The following HDAC9 variants were observed in gnomAD, a reference collection of about 807,000 sequenced individuals.
The protein encoded by HDAC9 is histone deacetylase 9.
HDAC9 carries 41 observed loss-of-function variants against 139.4 expected under a neutral mutation model. That is an observed-to-expected ratio of 0.29 (90% CI 0.23 to 0.38). The LOEUF (loss-of-function observed/expected upper bound fraction) is 0.38. Among genes scored for constraint, HDAC9 ranks in the 10% least tolerant of loss-of-function variants. The pLI is 1.00. For missense variants in HDAC9, 1,147 were observed against 1,297.0 expected, an observed-to-expected ratio of 0.88 and a Z score of 1.78; for synonymous variants, 517 against 476.2, an observed-to-expected ratio of 1.09 and a Z score of -1.12.
intron 1 of HDAC9, among the ~76,000 whole-genome samples, chr7:18,392,800 C>T (rs1473277529): frequency 4.6e-5 from 7 of 151,552 alleles, no homozygotes; most frequent in African/African-American, 7.3e-5. Flanking sequence ...AAAGAACCAG[C>T]GAGGGCTAAG....
chr7:18,712,182 T>G (rs751207462), intron 12 of HDAC9, among the ~76,000 whole-genome samples: 4 of 152,166 alleles, frequency 2.6e-5, no homozygotes, highest in Non-Finnish European at 2.9e-5. Flanking sequence ...ATTTTTTCAT[T>G]CTTTAATATA....
intron 1 of HDAC9, among the ~76,000 whole-genome samples, chr7:18,373,479 T>C (rs1317976872): frequency 6.6e-6 from 1 of 152,146 alleles, no homozygotes; most frequent in African/African-American, 2.4e-5. Flanking sequence ...ATTTGGAGGG[T>C]CTTAGCAATG....
intron 12 of HDAC9, among the ~76,000 whole-genome samples, chr7:18,708,152 G>C (rs1167282513): frequency 2.0e-5 from 3 of 150,400 alleles, no homozygotes; most frequent in Non-Finnish European, 4.5e-5. Flanking sequence ...TAGAGGAGGG[G>C]GCAGGAAGTT....
At chr7:18,562,882 T>A (rs1030990010) in intron 2 of HDAC9, among the ~76,000 whole-genome samples, 3 of 152,156 alleles carry the variant, frequency 2.0e-5, no homozygotes, top group African/African-American at 7.2e-5. Context: ...CCTATGAAAA[T>A]GAAATGTTTT....
At chr7:18,295,279 A>G (rs1005220323) in intron 1 of HDAC9, among the ~76,000 whole-genome samples, 5 of 152,152 alleles carry the variant, frequency 3.3e-5, no homozygotes, top group Admixed American at 2.0e-4. Context: ...GTAGTTTTTA[A>G]GGAAAACAAA....
intron 12 of HDAC9, chr7:18,667,652 C>G (rs1462164206): frequency 1.0e-6 from 1 of 985,030 alleles, no homozygotes; most frequent in African/African-American, 1.7e-5. Context: ...CAGGAAATGC[C>G]TTGTGGAAAC....
chr7:18,259,585 A>G (rs1795510018), intron 2 of HDAC9, among the ~76,000 whole-genome samples: 2 of 152,010 alleles, frequency 1.3e-5, no homozygotes, highest in Non-Finnish European at 2.9e-5. Context: ...GACTGGTTTC[A>G]AATTGCTGGA....
chr7:18,788,950 A>C (rs77046821), intron 16 of HDAC9, among the ~76,000 whole-genome samples: 5 of 151,964 alleles, frequency 3.3e-5, no homozygotes, highest in African/African-American at 9.7e-5. Context: ...TTTTCCTTCC[A>C]CTCAATGTAT....
chr7:18,205,723 A>G (rs1255949970), intron 2 of HDAC9, among the ~76,000 whole-genome samples: 5 of 152,070 alleles, frequency 3.3e-5, no homozygotes, highest in Admixed American at 3.3e-4. Flanking sequence ...TTAATTTTCT[A>G]ATTAAATTCT....
intron 1 of HDAC9, among the ~76,000 whole-genome samples, chr7:18,346,049 T>C (rs1291031409): frequency 6.6e-6 from 1 of 152,126 alleles, no homozygotes; most frequent in Non-Finnish European, 1.5e-5. Flanking sequence ...AGACCAATGC[T>C]AATTTAGAAA....
intron 1 of HDAC9, among the ~76,000 whole-genome samples, chr7:18,117,676 G>T (rs944591792): frequency 2.6e-5 from 4 of 152,096 alleles, no homozygotes; most frequent in African/African-American, 9.7e-5. Flanking sequence ...CTAGGAAGAG[G>T]CAAGGAAGGA....
At chr7:18,492,697 CT>C (rs1220327089), upstream of HDAC9, among the ~76,000 whole-genome samples, 4 of 151,896 alleles carry the variant, frequency 2.6e-5, no homozygotes, top group African/African-American at 7.2e-5. Flanking sequence ...GAACATATAT[CT>C]TTTTCCCCCA....
chr7:18,586,159 T>G (rs1829410126), intron 3 of HDAC9, among the ~76,000 whole-genome samples: 2 of 151,936 alleles, frequency 1.3e-5, no homozygotes, highest in South Asian at 2.1e-4. Flanking sequence ...TAAAGTTGTT[T>G]AAATTATTTT....
intron 2 of HDAC9, among the ~76,000 whole-genome samples, chr7:18,261,467 G>A (rs1334197157): frequency 6.6e-6 from 1 of 152,116 alleles, no homozygotes; most frequent in Non-Finnish European, 1.5e-5. Context: ...ATATACCACA[G>A]TTCAGTCCAT....
chr7:18,160,303 A>G (rs1304430434), intron 1 of HDAC9, among the ~76,000 whole-genome samples: 1 of 152,256 alleles, frequency 6.6e-6, no homozygotes, highest in Non-Finnish European at 1.5e-5. Context: ...AGAATCAAGA[A>G]TGTATCAAGA....
chr7:18,458,694 A>G (rs1424705981), intron 1 of HDAC9: 3 of 525,202 alleles, frequency 5.7e-6, no homozygotes, highest in Non-Finnish European at 3.4e-6. Context: ...TGGCTTAACT[A>G]GGCAAAACTT....
intron 24 of HDAC9, among the ~76,000 whole-genome samples, chr7:18,966,430 C>A (rs950894777): frequency 6.6e-6 from 1 of 152,032 alleles, no homozygotes; most frequent in Non-Finnish European, 1.5e-5. Context: ...GGTCGGGAGC[C>A]GGTGGCTCAC....
At chr7:18,135,492 C>T (rs1174356377) in intron 1 of HDAC9, among the ~76,000 whole-genome samples, 1 of 109,344 alleles carries the variant, frequency 9.1e-6, no homozygotes, top group African/African-American at 3.6e-5. Flanking sequence ...GTGATATTCC[C>T]CTTCCTGTGT....
chr7:18,279,928 G>A (rs1306512929), intron 2 of HDAC9, among the ~76,000 whole-genome samples: 2 of 152,074 alleles, frequency 1.3e-5, no homozygotes, highest in East Asian at 3.9e-4. Context: ...GTGTCGAAAG[G>A]GGAATTCTGA....
Sources: allele counts gnomAD v4.1 joint callset (sites outside exome capture counted in the v4.1 genomes callset), GRCh38; gene constraint gnomAD v4.1.1; transcripts MANE v1.5; gene names NCBI Gene and HGNC (gene_info 2026-07-23, HGNC 2026-07-21).